The following PHTF1 variants were observed in gnomAD, a reference collection of about 807,000 sequenced individuals.
The protein encoded by PHTF1 is protein PHTF1.
Under a neutral mutation model 102.4 loss-of-function variants are expected in PHTF1, and 88 were observed. The observed-to-expected ratio is 0.86, with a 90% CI of 0.72 to 1.03. The LOEUF (loss-of-function observed/expected upper bound fraction) is 1.03, where lower values mean the gene tolerates loss of function less well. PHTF1 is among the 50% of genes least tolerant of loss of function. PHTF1 has a pLI of 0.00. For synonymous variants in PHTF1, 289 were observed against 305.2 expected, an observed-to-expected ratio of 0.95 and a Z score of 0.55; for missense variants, 814 against 909.5, an observed-to-expected ratio of 0.89 and a Z score of 1.35.
intron 3 of PHTF1, among the ~76,000 whole-genome samples, chr1:113,742,702 G>T (rs1656596492): frequency 6.6e-6 from 1 of 152,198 alleles, no homozygotes; most frequent in Non-Finnish European, 1.5e-5. Flanking sequence ...ATTGGGAGTT[G>T]CTCTGAGTGA....
At chr1:113,737,226 T>C (rs901547933) in intron 5 of PHTF1, among the ~76,000 whole-genome samples, 13 of 152,216 alleles carry the variant, frequency 8.5e-5, no homozygotes, top group African/African-American at 2.2e-4. Flanking sequence ...GGGTGATTGA[T>C]AGTATCATTT....
chr1:113,757,182 C>CA (rs1328056875), intron 3 of PHTF1, among the ~76,000 whole-genome samples: 7 of 151,560 alleles, frequency 4.6e-5, no homozygotes, highest in Admixed American at 6.6e-5. Flanking sequence ...CAAAACAAAA[C>CA]AAAAAAACAA....
chr1:113,711,144 A>G (rs986989385), intron 10 of PHTF1, among the ~76,000 whole-genome samples: 1 of 152,120 alleles, frequency 6.6e-6, no homozygotes, highest in Admixed American at 6.6e-5. Flanking sequence ...CCCCAACTCT[A>G]AATATTGTGA....
chr1:113,699,832 C>A, intron 16 of PHTF1, 33 bp from the exon 17 acceptor site: 3 of 881,504 alleles, frequency 3.4e-6, no homozygotes, highest in East Asian at 2.6e-5. Flanking sequence ...AGGTAAATTT[C>A]TTGGAAAAAA....
Position 113,711,954 on chromosome 1 carries a change from G to A in PHTF1, c.943C>T (p.His315Tyr). 1.2e-6 allele frequency: 2 copies of A among 1,613,480 alleles called. No homozygotes were observed. The highest frequency in any genetic ancestry group is 1.7e-6 in the Non-Finnish European group (2 of 1,179,438). ...ATAGAAATTACCTGAGAGTTTAGGTGCCTTGAAAGTATTGATTTTCTATTC... is the reference window on the plus strand; with the variant it reads ...ATAGAAATTACCTGAGAGTTTAGGTACCTTGAAAGTATTGATTTTCTATTC... ...VKNRKSILSR[H>Y]LNSQVKKTTT... Residue 315 changes from histidine to tyrosine, a missense_variant, in exon 9 of 19, where the codon CAC (histidine) becomes TAC (tyrosine). Transcript: ENST00000369604.
chr1:113,745,813 C>T (rs757118806), intron 3 of PHTF1, among the ~76,000 whole-genome samples: 1 of 152,208 alleles, frequency 6.6e-6, no homozygotes, highest in Non-Finnish European at 1.5e-5. Context: ...TGCAGAAAAA[C>T]AAGCTAAGGG....
At chr1:113,700,002 A>T in intron 16 of PHTF1, 10 of 922,414 alleles carry the variant, frequency 1.1e-5, no homozygotes, top group Non-Finnish European at 1.4e-5. Flanking sequence ...CTATTTAGTG[A>T]TGAAAAATTA....
rs777185000 is a variant in PHTF1, at chr1:113,706,063, T to C, written c.1498A>G (p.Lys500Glu). 7 of 1,614,158 alleles carry C rather than the reference T, an allele frequency of 4.3e-6. No individual in the cohort carries two copies. The highest frequency in any genetic ancestry group is 5.9e-6 in the Non-Finnish European group (7 of 1,180,004). Residue 500 changes from lysine (K) to glutamate (E), a missense_variant, in exon 13 of 19, where the codon AAG (lysine) becomes GAG (glutamate). Transcript: ENST00000369604. ...ATGGACTTTAGTTGGTCAAGGCTCT[T>C]CTCACGGAAAAGTCGATGTAAGAAT... ...FPFLHRLFREKSLDQLKSISA... is the reference protein window; with the variant it reads ...FPFLHRLFREESLDQLKSISA...
At chr1:113,754,951 A>G (rs796993227) in intron 3 of PHTF1, among the ~76,000 whole-genome samples, 32 of 152,218 alleles carry the variant, frequency 2.1e-4, no homozygotes, top group African/African-American at 7.7e-4. Context: ...CTGTTTGTTA[A>G]TATTTTTCTC....
chr1:113,748,077 A>G (rs535373411), intron 3 of PHTF1, among the ~76,000 whole-genome samples: 2 of 152,278 alleles, frequency 1.3e-5, no homozygotes, highest in African/African-American at 4.8e-5. Flanking sequence ...TCCCAGGCTC[A>G]AAGGACCCTT....
At chr1:113,703,905 A>G (rs1649722636) in intron 15 of PHTF1, 176 bp downstream of exon 15, 1 of 546,026 alleles carries the variant, frequency 1.8e-6, no homozygotes, top group East Asian at 2.8e-5. Flanking sequence ...AAAGGACTTC[A>G]GAATTACTTG....
intron 6 of PHTF1, chr1:113,725,667 A>G (rs1653707244): frequency 6.6e-6 from 1 of 152,244 alleles, no homozygotes; most frequent in Admixed American, 6.5e-5. Context: ...ATAAATCCTT[A>G]TTAAAAGTTT....
At chr1:113,728,717 T>C (rs1391595261) in intron 5 of PHTF1, among the ~76,000 whole-genome samples, 3 of 152,170 alleles carry the variant, frequency 2.0e-5, no homozygotes, top group African/African-American at 7.2e-5. Flanking sequence ...AAGACCAGCC[T>C]GGGCAACATG....
intron 15 of PHTF1, among the ~76,000 whole-genome samples, chr1:113,701,428 A>C (rs913235211): frequency 2.0e-5 from 3 of 152,222 alleles, no homozygotes; most frequent in African/African-American, 4.8e-5. Context: ...ATTATGTGTC[A>C]AATTTTCCGG....
intron 3 of PHTF1, among the ~76,000 whole-genome samples, chr1:113,744,925 G>T (rs568563646): frequency 4.0e-5 from 6 of 151,346 alleles, no homozygotes; most frequent in Non-Finnish European, 8.8e-5. Flanking sequence ...CTCTAGCCTG[G>T]GTGACAGAGC....
chr1:113,738,582 G>A, intron 4 of PHTF1, 148 bp downstream of exon 4: 1 of 605,324 alleles, frequency 1.7e-6, no homozygotes. Flanking sequence ...AGTACTAAGA[G>A]GTGGAAAAAG....
At chr1:113,722,172 C>T (rs1653054767) in intron 7 of PHTF1, among the ~76,000 whole-genome samples, 1 of 151,866 alleles carries the variant, frequency 6.6e-6, no homozygotes, top group African/African-American at 2.4e-5. Flanking sequence ...GAGAACGCAG[C>T]CGGGCGCAGT....
chr1:113,716,260 T>A (rs1230646), intron 7 of PHTF1, among the ~76,000 whole-genome samples: 20 of 151,986 alleles, frequency 1.3e-4, no homozygotes, highest in African/African-American at 4.3e-4. Context: ...ACTCCAATAT[T>A]TCTGGCAGCA....
At chr1:113,753,654 C>T (rs1169441010) in intron 3 of PHTF1, among the ~76,000 whole-genome samples, 1 of 151,966 alleles carries the variant, frequency 6.6e-6, no homozygotes, top group Non-Finnish European at 1.5e-5. Flanking sequence ...TCTTGAACTC[C>T]TGAGCTCATG....
Sources: allele counts gnomAD v4.1 joint callset (sites outside exome capture counted in the v4.1 genomes callset), GRCh38; gene constraint gnomAD v4.1.1; transcripts MANE v1.5; gene names NCBI Gene and HGNC (gene_info 2026-07-23, HGNC 2026-07-21).